Variants in GRIK1 observed in about 807,000 individuals in gnomAD.
GRIK1 encodes glutamate receptor ionotropic, kainate 1.
In GRIK1, 69 loss-of-function variants were observed where a neutral mutation model predicts 105.7. The ratio of observed to expected loss-of-function variants is 0.65; its 90% confidence interval spans 0.54 to 0.80. The LOEUF (loss-of-function observed/expected upper bound fraction) is 0.80. Among genes scored for constraint, GRIK1 ranks in the 30% least tolerant of loss-of-function variants. The probability of loss-of-function intolerance (pLI) is 0.00; values close to 1 mark genes in which losing one functional copy is unlikely to be tolerated. For missense variants in GRIK1, 1,109 were observed against 1,167.3 expected, an observed-to-expected ratio of 0.95 and a Z score of 0.73; for synonymous variants, 438 against 431.3, an observed-to-expected ratio of 1.02 and a Z score of -0.19.
At chr21:29,555,323 A>G in intron 15 of GRIK1, 21 bp from the exon 16 acceptor site, 1 of 1,604,134 alleles carries the variant, frequency 6.2e-7, no homozygotes, top group African/African-American at 1.3e-5. Context: ...AACCATCTGG[A>G]TATTGGTCAC....
chr21:29,846,443 A>G (rs1160651445), intron 1 of GRIK1, among the ~76,000 whole-genome samples: 1 of 126,156 alleles, frequency 7.9e-6, no homozygotes, highest in East Asian at 2.4e-4. Flanking sequence ...GAAGGAAAGA[A>G]GGAAAGAAGG....
intron 7 of GRIK1, among the ~76,000 whole-genome samples, chr21:29,638,812 G>A (rs1198630666): frequency 6.6e-6 from 1 of 152,154 alleles, no homozygotes; most frequent in South Asian, 2.1e-4. Flanking sequence ...CCTTTCATTT[G>A]ATGGTAGCTA....
chr21:29,811,964 A>C (rs1419731882), intron 1 of GRIK1, among the ~76,000 whole-genome samples: 1 of 152,028 alleles, frequency 6.6e-6, no homozygotes, highest in Non-Finnish European at 1.5e-5. Context: ...CTGAAATGTC[A>C]TCTCCCTGGA....
At chr21:29,734,648 CT>C (rs1239981982) in intron 1 of GRIK1, among the ~76,000 whole-genome samples, 3 of 152,116 alleles carry the variant, frequency 2.0e-5, no homozygotes, top group Non-Finnish European at 4.4e-5. Context: ...ATCCACCCCC[CT>C]GGGCCTCCCA....
At chr21:29,571,139 C>CAGG (rs2090737821) in intron 14 of GRIK1, among the ~76,000 whole-genome samples, 1 of 151,946 alleles carries the variant, frequency 6.6e-6, no homozygotes, top group African/African-American at 2.4e-5. Context: ...ATCACGAGGT[C>CAGG]AGTTCAAGAC....
intron 1 of GRIK1, among the ~76,000 whole-genome samples, chr21:29,898,145 T>C (rs57876719): frequency 0.016 from 2,382 of 152,298 alleles, 64 homozygotes; most frequent in African/African-American, 0.055. Context: ...ATTAATAGAA[T>C]TTTCCCCTTT....
intron 7 of GRIK1, among the ~76,000 whole-genome samples, chr21:29,627,105 C>T (rs555711614): frequency 2.3e-4 from 35 of 152,316 alleles, no homozygotes; most frequent in African/African-American, 8.2e-4. Context: ...CATAGTTTAT[C>T]AGGTTCTTGT....
chr21:29,568,125 C>G (rs533813702), intron 14 of GRIK1, among the ~76,000 whole-genome samples: 46 of 152,312 alleles, frequency 3.0e-4, no homozygotes, highest in African/African-American at 1.1e-3. Context: ...TACAGGCAAT[C>G]TTCCAGCCTT....
At chr21:29,652,968 C>T (rs1053233832) in intron 5 of GRIK1, among the ~76,000 whole-genome samples, 5 of 152,114 alleles carry the variant, frequency 3.3e-5, no homozygotes, top group African/African-American at 4.8e-5. Context: ...CTCTGTGCTC[C>T]GAGATCAGTA....
At chr21:29,611,595 A>G (rs1231451954) in intron 7 of GRIK1, among the ~76,000 whole-genome samples, 1 of 152,142 alleles carries the variant, frequency 6.6e-6, no homozygotes, top group Non-Finnish European at 1.5e-5. Context: ...CATCTAGATA[A>G]GGTAAGTAGG....
At chr21:29,590,605 A>G (rs1271406602) in intron 10 of GRIK1, among the ~76,000 whole-genome samples, 1 of 152,214 alleles carries the variant, frequency 6.6e-6, no homozygotes, top group Non-Finnish European at 1.5e-5. Context: ...TGCACCACCC[A>G]GGGCTGAGGC....
intron 1 of GRIK1, among the ~76,000 whole-genome samples, chr21:29,717,384 A>T (rs2064204419): frequency 6.6e-6 from 1 of 152,222 alleles, no homozygotes; most frequent in South Asian, 2.1e-4. Context: ...AGGCACAGGC[A>T]TTCAACACCA....
At chr21:29,801,617 T>C (rs2066713475) in intron 1 of GRIK1, among the ~76,000 whole-genome samples, 1 of 152,182 alleles carries the variant, frequency 6.6e-6, no homozygotes, top group African/African-American at 2.4e-5. Flanking sequence ...GAAGACAGCA[T>C]GAAGATATAG....
intron 1 of GRIK1, among the ~76,000 whole-genome samples, chr21:29,832,493 G>A (rs745527440): frequency 7.9e-5 from 12 of 152,164 alleles, no homozygotes; most frequent in Non-Finnish European, 1.5e-4. Flanking sequence ...CTAGGCAGAG[G>A]CTCTCAAGTC....
intron 16 of GRIK1, among the ~76,000 whole-genome samples, chr21:29,551,708 A>G (rs916309256): frequency 2.0e-5 from 3 of 152,186 alleles, no homozygotes; most frequent in African/African-American, 4.8e-5. Context: ...CTCTGCAGAA[A>G]GTTAAGTTTT....
At chr21:29,710,357 A>G (rs939461699) in intron 1 of GRIK1, among the ~76,000 whole-genome samples, 11 of 151,892 alleles carry the variant, frequency 7.2e-5, no homozygotes, top group African/African-American at 2.7e-4. Flanking sequence ...GGCCTTGTCA[A>G]TTTTGTCATT....
chr21:29,884,599 T>C (rs140797094), intron 1 of GRIK1, among the ~76,000 whole-genome samples: 1,807 of 152,162 alleles, frequency 0.012, 50 homozygotes, highest in African/African-American at 0.041. Context: ...GGTGCCAATG[T>C]TTCTAACCTA....
intron 1 of GRIK1, among the ~76,000 whole-genome samples, chr21:29,805,360 C>T (rs1210922352): frequency 6.6e-6 from 1 of 152,088 alleles, no homozygotes; most frequent in Non-Finnish European, 1.5e-5. Flanking sequence ...TAACCGAAGC[C>T]ACTAGGTCCT....
At chr21:29,865,909 C>A (rs748062539) in intron 1 of GRIK1, among the ~76,000 whole-genome samples, 7 of 152,150 alleles carry the variant, frequency 4.6e-5, no homozygotes, top group Non-Finnish European at 7.3e-5. Flanking sequence ...AAAGCCACAG[C>A]CCTAATGTGT....
Sources: allele counts gnomAD v4.1 joint callset (sites outside exome capture counted in the v4.1 genomes callset), GRCh38; gene constraint gnomAD v4.1.1; transcripts MANE v1.5; gene names NCBI Gene and HGNC (gene_info 2026-07-23, HGNC 2026-07-21).